The following SLC6A11 variants were observed in gnomAD, a reference collection of about 807,000 sequenced individuals.
The protein encoded by SLC6A11 is sodium- and chloride-dependent GABA transporter 3.
In SLC6A11, 25 loss-of-function variants were observed where a neutral mutation model predicts 74.8. The ratio of observed to expected loss-of-function variants is 0.33; its 90% CI spans 0.24 to 0.47. The LOEUF is 0.47. Among genes scored for constraint, SLC6A11 ranks in the 20% least tolerant of loss-of-function variants. SLC6A11 has a pLI of 1.00. For synonymous variants in SLC6A11, 330 were observed against 330.2 expected, an observed-to-expected ratio of 1.00 and a Z score of 0.01; for missense variants, 574 against 837.0, an observed-to-expected ratio of 0.69 and a Z score of 3.88.
chr3:10,911,046 C>T (rs552237339), intron 6 of SLC6A11, among the ~76,000 whole-genome samples: 1 of 152,138 alleles, frequency 6.6e-6, no homozygotes, highest in Non-Finnish European at 1.5e-5. Flanking sequence ...GCTCTCACCC[C>T]CTCCTGACCT....
At chr3:10,933,394 G>A in intron 11 of SLC6A11, 141 bp downstream of exon 11, 2 of 655,938 alleles carry the variant, frequency 3.0e-6, no homozygotes, top group Non-Finnish European at 5.4e-6. Flanking sequence ...GGGATTCCTT[G>A]GCCTTTTCCC....
At chr3:10,832,019 C>A (rs1002470527) in intron 4 of SLC6A11, among the ~76,000 whole-genome samples, 1 of 152,154 alleles carries the variant, frequency 6.6e-6, no homozygotes, top group Non-Finnish European at 1.5e-5. Context: ...CCTTGTTAAT[C>A]TTTATGTATT....
rs181567008 is a variant in SLC6A11, at chr3:10,914,029, C to T, written c.995+1836C>T. 2.6e-5 allele frequency among the ~76,000 whole-genome samples: 4 copies of T among 152,324 alleles called. No homozygotes were observed. The East Asian group carries it at 7.7e-4, about 29-fold the overall frequency. ...AAAATATTGAGTGTTTTTCCCAAGT[C>T]CTGTTCAGCATAGGTGAGGGTAGGT... is the stretch of plus-strand genomic sequence containing the variant. On this transcript the variant is annotated intron_variant, in intron 7 of 13. Coordinates refer to ENST00000254488, the MANE Select transcript of SLC6A11 (RefSeq NM_014229.3).
At chr3:10,832,936 G>T (rs541891762) in intron 4 of SLC6A11, among the ~76,000 whole-genome samples, 1 of 152,168 alleles carries the variant, frequency 6.6e-6, no homozygotes, top group Admixed American at 6.5e-5. Context: ...AAGTAGGAAG[G>T]GGCATGCCAA....
intron 6 of SLC6A11, among the ~76,000 whole-genome samples, chr3:10,875,787 A>T (rs79527813): frequency 0.04 from 6,092 of 152,332 alleles, 176 homozygotes; most frequent in Middle Eastern, 0.078. Flanking sequence ...TTAAACAGAT[A>T]AAAACAGAAC....
rs528718642 is a variant in SLC6A11 at position 10,916,467 on chromosome 3, CTGGGTT to C, written c.996-1858_996-1853del. On this transcript the variant is annotated intron_variant, in intron 7 of 13. Coordinates refer to ENST00000254488, the MANE Select transcript of SLC6A11 (RefSeq NM_014229.3). ...CCTGCAGGCTGTAGACTGAAAGACC[CTGGGTT>C]TGGCTCCAAGGTCCAAGCCAGGCTC... Among the ~76,000 whole-genome samples, 19 of 152,334 alleles carry C rather than the reference CTGGGTT, an allele frequency of 1.2e-4. No individual in the cohort carries two copies. The East Asian group carries it at 2.9e-3, about 23-fold the overall frequency.
chr3:10,888,121 A>C (rs1015160864), intron 6 of SLC6A11, among the ~76,000 whole-genome samples: 1 of 152,188 alleles, frequency 6.6e-6, no homozygotes, highest in African/African-American at 2.4e-5. Flanking sequence ...GCAGCATGTG[A>C]ATGCCTGCTC....
chr3:10,844,094 TG>T, intron 4 of SLC6A11, 119 bp from the exon 5 acceptor site: 1 of 1,210,614 alleles, frequency 8.3e-7, no homozygotes, highest in Admixed American at 2.1e-5. Context: ...AGGAGACATT[TG>T]GCCCACGGTG....
chr3:10,891,311 T>A lies in SLC6A11; in HGVS notation c.891+16216T>A, dbSNP rs138946700. On this transcript the variant is annotated intron_variant, in intron 6 of 13. Coordinates refer to ENST00000254488, the MANE Select transcript of SLC6A11 (RefSeq NM_014229.3). ...TTCATAATTATCTGTTTTCTGTAAC[T>A]GTCATAAAAATATTAACCCTCAGCA... Among the ~76,000 whole-genome samples, 7 of 152,372 alleles carry A rather than the reference T, an allele frequency of 4.6e-5. No individual in the cohort carries two copies. In the East Asian group the frequency reaches 1.3e-3, roughly 29 times the overall value.
At chr3:10,932,974 AG>A (rs1344896665) in intron 10 of SLC6A11, among the ~76,000 whole-genome samples, 176 bp from the exon 11 acceptor site, 2 of 152,086 alleles carry the variant, frequency 1.3e-5, no homozygotes, top group Non-Finnish European at 2.9e-5. Flanking sequence ...ACAGGGAATT[AG>A]GGGGCTCCCA....
Position 10,873,384 on chromosome 3 carries a change from T to TATC in SLC6A11, c.757-1577_757-1576insATC. Among the ~76,000 whole-genome samples, 2 of 90,614 alleles carry TATC rather than the reference T, an allele frequency of 2.2e-5. 1 individual carries two copies. The highest frequency in any genetic ancestry group is 7.8e-4 in the South Asian group (2 of 2,548). 59.4% of individuals were successfully genotyped at this position (90,614 alleles called of 152,430 possible). On this transcript the variant is annotated intron_variant, in intron 5 of 13. Coordinates refer to ENST00000254488, the MANE Select transcript of SLC6A11 (RefSeq NM_014229.3). ...CCTCCCCTATGCTCACCTTCATTAT[T>TATC]GTATCCTATCCTATGCTATCCTATC... is the stretch of plus-strand genomic sequence containing the variant.
In SLC6A11 at chr3:10,918,280, A is replaced by G. The variant is rs1327885596; in HGVS notation, c.996-49A>G. The stretch of plus-strand genomic sequence containing the variant: ...CGGGTGGAGAACGTTTGAGCCGTGC[A>G]CCGGTTCTGCCCGCTCTGACCCTAG... On this transcript the variant is annotated intron_variant, in intron 7 of 13. Transcript: ENST00000254488. The surrounding 1 kb of genome is among the most constrained non-coding windows in gnomAD (Gnocchi z 4.5). 7 of 1,511,272 alleles carry G rather than the reference A, an allele frequency of 4.6e-6. No individual in the cohort carries two copies. The highest frequency in any genetic ancestry group is 1.3e-5 in the South Asian group (1 of 75,500). The allele number at this position is 1,511,272 out of a possible 1,614,324, so 93.6% of individuals were successfully genotyped here. A position where few individuals can be genotyped will look rare whatever the true frequency, so the allele number is the denominator to read the frequency against.
intron 4 of SLC6A11, among the ~76,000 whole-genome samples, chr3:10,840,566 C>T (rs796493208): frequency 6.6e-6 from 1 of 152,226 alleles, no homozygotes; most frequent in East Asian, 1.9e-4. Flanking sequence ...AAATAAATTA[C>T]TAAATGCGTG....
At chr3:10,887,558 G>A (rs1695060229) in intron 6 of SLC6A11, among the ~76,000 whole-genome samples, 1 of 152,054 alleles carries the variant, frequency 6.6e-6, no homozygotes, top group South Asian at 2.1e-4. Context: ...TGATTCTCCT[G>A]CCTCAGCCTC....
intron 8 of SLC6A11, among the ~76,000 whole-genome samples, chr3:10,920,101 G>T (rs539552705): frequency 6.6e-6 from 1 of 152,264 alleles, no homozygotes; most frequent in African/African-American, 2.4e-5. Context: ...TGTAAAGTGC[G>T]CACCCTGAAA....
chr3:10,905,548 G>T (rs1695291941), intron 6 of SLC6A11, among the ~76,000 whole-genome samples: 1 of 152,162 alleles, frequency 6.6e-6, no homozygotes, highest in Non-Finnish European at 1.5e-5. Flanking sequence ...AAATTTGTGG[G>T]TTTATTGTTT....
At chr3:10,844,429 A>G (rs1250070834) in intron 5 of SLC6A11, 83 bp downstream of exon 5, 13 of 1,550,816 alleles carry the variant, frequency 8.4e-6, no homozygotes, top group South Asian at 1.1e-5. Flanking sequence ...CAGGGAGTTC[A>G]TGTTGCAGAG....
intron 4 of SLC6A11, among the ~76,000 whole-genome samples, chr3:10,837,497 C>G (rs1694381777): frequency 6.6e-6 from 1 of 152,176 alleles, no homozygotes; most frequent in Non-Finnish European, 1.5e-5. Flanking sequence ...AGATCTGTCC[C>G]CACTTTCTGG....
chr3:10,881,763 A>T (rs1313975166), intron 6 of SLC6A11, among the ~76,000 whole-genome samples: 1 of 152,106 alleles, frequency 6.6e-6, no homozygotes, highest in Non-Finnish European at 1.5e-5. Flanking sequence ...ACCCCAGAGG[A>T]TACTCTTCTG....
Sources: allele counts gnomAD v4.1 joint callset (sites outside exome capture counted in the v4.1 genomes callset), GRCh38; gene constraint gnomAD v4.1.1; non-coding constraint Gnocchi (gnomAD v3.1); transcripts MANE v1.5; gene names NCBI Gene and HGNC (gene_info 2026-07-23, HGNC 2026-07-21).